Variants in CFAP299 observed in about 807,000 individuals in gnomAD.
CFAP299 encodes cilia and flagella associated protein 299.
CFAP299 carries 21 observed loss-of-function variants against 27.0 expected under a neutral mutation model. That is an observed-to-expected ratio of 0.78 (90% CI 0.55 to 1.12). CFAP299 has a LOEUF of 1.12. Ranked by LOEUF, CFAP299 falls within the 50% of genes most tolerant of loss-of-function variation. The probability of loss-of-function intolerance (pLI) is 0.00; values close to 1 mark genes in which losing one functional copy is unlikely to be tolerated. For missense variants in CFAP299, 310 were observed against 276.6 expected (o/e 1.12, Z -0.86); for synonymous variants, 104 against 98.1 (o/e 1.06, Z -0.36).
At chr4:80,437,974 G>A (rs1200794979) in intron 2 of CFAP299, among the ~76,000 whole-genome samples, 2 of 151,894 alleles carry the variant, frequency 1.3e-5, no homozygotes, top group Admixed American at 6.6e-5. Flanking sequence ...TATATTTTGA[G>A]CATTTAGTAT....
At chr4:80,848,143 C>A (rs1211303881) in intron 3 of CFAP299, among the ~76,000 whole-genome samples, 4 of 151,360 alleles carry the variant, frequency 2.6e-5, no homozygotes, top group Admixed American at 2.6e-4. Context: ...CCTGGGAGGT[C>A]GAGGCTGCAG....
intron 3 of CFAP299, among the ~76,000 whole-genome samples, chr4:80,765,679 C>T (rs1171436767): frequency 1.3e-5 from 2 of 151,618 alleles, no homozygotes; most frequent in Non-Finnish European, 2.9e-5. Context: ...TTTGTTAGCA[C>T]ACCAATATAA....
chr4:80,389,279 ATTC>A (rs1432688915), intron 2 of CFAP299, among the ~76,000 whole-genome samples: 4 of 152,046 alleles, frequency 2.6e-5, no homozygotes, highest in Non-Finnish European at 5.9e-5. Flanking sequence ...ATAATGAACA[ATTC>A]TTCTCTTTAG....
At chr4:80,628,195 T>A (rs1739012903) in intron 3 of CFAP299, among the ~76,000 whole-genome samples, 2 of 152,116 alleles carry the variant, frequency 1.3e-5, no homozygotes, top group South Asian at 4.1e-4. Flanking sequence ...TACAGCTGGC[T>A]GATTTTTGAC....
intron 3 of CFAP299, among the ~76,000 whole-genome samples, chr4:80,655,478 T>C (rs940919156): frequency 6.6e-6 from 1 of 152,142 alleles, no homozygotes; most frequent in African/African-American, 2.4e-5. Flanking sequence ...AGAATTGGTA[T>C]GGTAAGTGGG....
At chr4:80,794,505 C>T (rs373842735) in intron 3 of CFAP299, among the ~76,000 whole-genome samples, 3 of 152,124 alleles carry the variant, frequency 2.0e-5, no homozygotes, top group African/African-American at 7.2e-5. Context: ...AGCACTGTCA[C>T]GTAGTTGGCA....
chr4:80,738,252 A>G (rs990480953), intron 3 of CFAP299, among the ~76,000 whole-genome samples: 10 of 152,146 alleles, frequency 6.6e-5, no homozygotes, highest in Admixed American at 5.2e-4. Context: ...CATTTGTTCT[A>G]TAGTAAAGAT....
intron 4 of CFAP299, among the ~76,000 whole-genome samples, chr4:80,929,606 G>A (rs550130010): frequency 6.2e-4 from 94 of 152,174 alleles, no homozygotes; most frequent in Non-Finnish European, 6.6e-4. Context: ...ACTCCATAAT[G>A]TACAATCATT....
intron 1 of CFAP299, among the ~76,000 whole-genome samples, chr4:80,346,064 A>C (rs1722710622): frequency 6.6e-6 from 1 of 152,156 alleles, no homozygotes; most frequent in Middle Eastern, 3.2e-3. Flanking sequence ...TGGCTGCATA[A>C]ATGTCTTCTT....
chr4:80,581,654 T>C (rs951642971), intron 2 of CFAP299, among the ~76,000 whole-genome samples: 1 of 151,372 alleles, frequency 6.6e-6, no homozygotes, highest in Non-Finnish European at 1.5e-5. Flanking sequence ...AGGTGTATTT[T>C]ATCTCTTAAA....
chr4:80,590,926 A>G (rs897844794), intron 3 of CFAP299, among the ~76,000 whole-genome samples: 7 of 152,010 alleles, frequency 4.6e-5, no homozygotes, highest in African/African-American at 1.7e-4. Context: ...TATGATTCCA[A>G]TATGGGAGAA....
chr4:80,619,720 C>T (rs892902967), intron 3 of CFAP299, among the ~76,000 whole-genome samples: 1 of 152,038 alleles, frequency 6.6e-6, no homozygotes, highest in African/African-American at 2.4e-5. Context: ...GGCACCTATA[C>T]TGGCTGTGAC....
intron 2 of CFAP299, among the ~76,000 whole-genome samples, chr4:80,563,914 G>A (rs569667090): frequency 2.0e-4 from 31 of 152,024 alleles, no homozygotes; most frequent in African/African-American, 7.5e-4. Flanking sequence ...GCTACCATGA[G>A]CAACTATGAG....
At chr4:80,707,492 A>G (rs1721890056) in intron 3 of CFAP299, among the ~76,000 whole-genome samples, 2 of 152,118 alleles carry the variant, frequency 1.3e-5, no homozygotes, top group African/African-American at 2.4e-5. Context: ...TTACTGCTCA[A>G]TACTACTAAG....
intron 2 of CFAP299, among the ~76,000 whole-genome samples, chr4:80,410,579 G>A (rs1412231558): frequency 6.6e-6 from 1 of 152,154 alleles, no homozygotes; most frequent in Non-Finnish European, 1.5e-5. Flanking sequence ...TCCGGGAAGA[G>A]AAAATGTTTC....
At chr4:80,737,584 T>C (rs930723075) in intron 3 of CFAP299, among the ~76,000 whole-genome samples, 2 of 152,168 alleles carry the variant, frequency 1.3e-5, no homozygotes, top group Admixed American at 6.5e-5. Context: ...TAGTTGCTCA[T>C]AGTAGCCATT....
chr4:80,587,807 G>A (rs1736524993), intron 3 of CFAP299, among the ~76,000 whole-genome samples: 1 of 152,138 alleles, frequency 6.6e-6, no homozygotes, highest in Admixed American at 6.5e-5. Context: ...GCCCAGGCTA[G>A]TCTTGAACAC....
chr4:80,885,475 C>T (rs146305144), intron 4 of CFAP299, among the ~76,000 whole-genome samples: 1 of 152,110 alleles, frequency 6.6e-6, no homozygotes, highest in Non-Finnish European at 1.5e-5. Context: ...TTCCTCCTGC[C>T]CAAGGTCAGG....
chr4:80,396,779 G>T (rs1035645244), intron 2 of CFAP299, among the ~76,000 whole-genome samples: 5 of 152,134 alleles, frequency 3.3e-5, no homozygotes, highest in African/African-American at 1.2e-4. Context: ...GATTTGGGTT[G>T]CCAGTATTTT....
Sources: gnomAD v4.1 joint callset for allele counts (sites outside exome capture counted in the v4.1 genomes callset) on GRCh38, gnomAD v4.1.1 for gene constraint, MANE v1.5 for transcripts, NCBI Gene and HGNC (gene_info 2026-07-23, HGNC 2026-07-21) for gene names.